Variants in EVI5 observed in about 807,000 individuals in gnomAD.
EVI5 encodes the protein ecotropic viral integration site 5.
Under a neutral mutation model 112.0 loss-of-function variants are expected in EVI5, and 73 were observed. The observed-to-expected ratio is 0.65, with a 90% CI of 0.54 to 0.79. The LOEUF (loss-of-function observed/expected upper bound fraction) is 0.79. Ranked by LOEUF, EVI5 falls within the 30% of genes least tolerant of loss-of-function variation. The pLI, the probability that EVI5 is intolerant of heterozygous loss-of-function variation, is 0.00. For synonymous variants in EVI5, 305 were observed against 319.9 expected (o/e 0.95, Z 0.50); for missense variants, 900 against 968.8 (o/e 0.93, Z 0.94).
intron 1 of EVI5, among the ~76,000 whole-genome samples, chr1:92,760,828 G>A (rs1156858925): frequency 1.1e-4 from 17 of 151,758 alleles, no homozygotes; most frequent in South Asian, 8.3e-4. Flanking sequence ...AGGCCGAGGC[G>A]GGCAGATCAC....
chr1:92,786,254 A>G (rs1488131973), upstream of EVI5, among the ~76,000 whole-genome samples: 2 of 132,718 alleles, frequency 1.5e-5, no homozygotes, highest in Non-Finnish European at 3.3e-5. Flanking sequence ...AAAAAAAAAA[A>G]CCTTACTTTT....
rs990536477 is a variant in EVI5, at chr1:92,512,279, G to T, written c.*1377C>A. On this transcript the variant is annotated 3_prime_UTR_variant, in exon 20 of 20. Coordinates refer to ENST00000684568, the MANE Select transcript of EVI5 (RefSeq NM_001350197.2). ...GTAGATATAATTGCTATGTTTCTTG[G>T]ACCTTAGCCCATTGCTTAAATTATA... is the stretch of plus-strand genomic sequence containing the variant. 2.0e-5 allele frequency: 3 copies of T among 152,540 alleles called. No homozygotes were observed. The highest frequency in any genetic ancestry group is 4.8e-5 in the African/African-American group (2 of 41,402). The allele number at this position is 152,540 out of a possible 1,614,324, so 9.4% of individuals were successfully genotyped here.
intron 13 of EVI5, among the ~76,000 whole-genome samples, chr1:92,651,686 T>C (rs1953667): frequency 0.91 from 108,166 of 118,830 alleles, 49,408 homozygotes; most frequent in East Asian, 0.97. Context: ...CCCGTCTCTA[T>C]TAAAAATACA....
rs185562082 is a variant in EVI5 at position 92,618,919 on chromosome 1, T to G, written c.1827+5257A>C. Among the ~76,000 whole-genome samples, 16 of 152,358 alleles carry G rather than the reference T, an allele frequency of 1.1e-4. No individual in the cohort carries two copies. The East Asian group carries it at 2.9e-3, about 27-fold the overall frequency. On this transcript the variant is annotated intron_variant, in intron 16 of 19. Transcript: ENST00000684568. ...GCATTTAAGTACTGTTAACTTTATGTAATAGTATTTGAGTCAGGGATTGGT... is the reference window on the plus strand; with the variant it reads ...GCATTTAAGTACTGTTAACTTTATGGAATAGTATTTGAGTCAGGGATTGGT...
intron 1 of EVI5, among the ~76,000 whole-genome samples, chr1:92,771,993 T>C (rs1683479369): frequency 1.3e-5 from 2 of 151,978 alleles, no homozygotes; most frequent in South Asian, 4.1e-4. Context: ...TAACTGGGAT[T>C]ACAGGCACAC....
intron 19 of EVI5, among the ~76,000 whole-genome samples, chr1:92,536,935 C>T (rs1310898376): frequency 6.6e-6 from 1 of 152,042 alleles, no homozygotes; most frequent in Non-Finnish European, 1.5e-5. Flanking sequence ...ATTAATAATA[C>T]AATCTTATAA....
rs550255938 is a variant in EVI5, at chr1:92,512,023, T to C, written c.*1633A>G. 1.8e-4 allele frequency: 28 copies of C among 152,716 alleles called. No individual in the cohort carries two copies. Among genetic ancestry groups the C allele is most frequent in the East Asian group, 3.9e-4 (2 of 5,194 alleles). 9.5% of individuals were successfully genotyped at this position (152,716 alleles called of 1,614,324 possible). A position where few individuals can be genotyped will look rare whatever the true frequency, so the allele number is the denominator to read the frequency against. The stretch of plus-strand genomic sequence containing the variant: ...ATAGGTTAACAAAATGTTTTTTTTT[T>C]CATAGGCTAACAAAAATGAGAGTAG... On this transcript the variant is annotated 3_prime_UTR_variant, in exon 20 of 20. Transcript: ENST00000684568.
Position 92,607,619 on chromosome 1 carries a change from T to C in EVI5, c.1936A>G (p.Ser646Gly), listed in dbSNP as rs150908969. 1 of 1,601,736 alleles carries C rather than the reference T, an allele frequency of 6.2e-7. No homozygotes were observed. Among genetic ancestry groups the C allele is most frequent in the Non-Finnish European group, 8.5e-7 (1 of 1,176,214 alleles). ...TCTGCTTGTTTACGCTTTGCTTCAC[T>C]TAATTGAGTAAGGAGTCCTTTGTTC... ...AQNKGLLTQL[S>G]EAKRKQAEIE... is the part of the protein sequence containing the mutation. Residue 646 changes from serine (S) to glycine (G), a missense_variant, in exon 17 of 20, where the codon AGT becomes GGT. Transcript: ENST00000684568.
At chr1:92,771,179 A>G (rs761185348) in intron 1 of EVI5, among the ~76,000 whole-genome samples, 1 of 151,956 alleles carries the variant, frequency 6.6e-6, no homozygotes, top group Non-Finnish European at 1.5e-5. Context: ...TCAAAGTTCT[A>G]TTCTTTTAAC....
At chr1:92,520,532 G>A (rs1660729286) in intron 19 of EVI5, among the ~76,000 whole-genome samples, 1 of 152,054 alleles carries the variant, frequency 6.6e-6, no homozygotes, top group Admixed American at 6.6e-5. Context: ...ATCTTTCCCC[G>A]TGTAAAGATG....
chr1:92,727,667 T>C (rs1326940646), intron 2 of EVI5, among the ~76,000 whole-genome samples: 1 of 152,078 alleles, frequency 6.6e-6, no homozygotes, highest in African/African-American at 2.4e-5. Flanking sequence ...AGACAAAGAT[T>C]GTCAGATTGT....
At chr1:92,554,619 A>G (rs757560515) in intron 19 of EVI5, among the ~76,000 whole-genome samples, 6 of 152,206 alleles carry the variant, frequency 3.9e-5, no homozygotes, top group African/African-American at 7.2e-5. Context: ...ATCCAAGATA[A>G]AACAGAACAT....
intron 18 of EVI5, among the ~76,000 whole-genome samples, chr1:92,579,498 A>G (rs1671605096): frequency 6.6e-6 from 1 of 152,212 alleles, no homozygotes; most frequent in Non-Finnish European, 1.5e-5. Context: ...TATTTTATAT[A>G]TTTCACGGAA....
At chr1:92,782,401 T>C (rs1391368253) in intron 1 of EVI5, among the ~76,000 whole-genome samples, 3 of 151,982 alleles carry the variant, frequency 2.0e-5, no homozygotes, top group Non-Finnish European at 4.4e-5. Context: ...AAAGGACTCA[T>C]ATCCAGAATA....
chr1:92,737,011 G>A (rs934958519), intron 1 of EVI5, among the ~76,000 whole-genome samples: 2 of 152,178 alleles, frequency 1.3e-5, no homozygotes, highest in Admixed American at 1.3e-4. Flanking sequence ...GATGTAAAAT[G>A]TATTCTTGGG....
At chr1:92,784,169 G>T in intron 1 of EVI5, 2 of 329,584 alleles carry the variant, frequency 6.1e-6, no homozygotes, top group Non-Finnish European at 8.7e-6. Flanking sequence ...GATCTAAGAA[G>T]CCCCAAAGAC....
intron 18 of EVI5, among the ~76,000 whole-genome samples, chr1:92,589,360 T>C (rs998665709): frequency 3.9e-5 from 6 of 152,066 alleles, no homozygotes; most frequent in African/African-American, 1.4e-4. Context: ...GAATTCCCTT[T>C]CCTAGCCAAG....
At chr1:92,592,758 C>A (rs550859944) in intron 18 of EVI5, among the ~76,000 whole-genome samples, 22 of 152,230 alleles carry the variant, frequency 1.4e-4, no homozygotes, top group East Asian at 9.6e-4. Context: ...ATCCCACATA[C>A]ATACAAACTA....
At chr1:92,641,684 C>T (rs1659998702) in intron 13 of EVI5, among the ~76,000 whole-genome samples, 1 of 152,152 alleles carries the variant, frequency 6.6e-6, no homozygotes, top group Non-Finnish European at 1.5e-5. Flanking sequence ...CACAAAATCA[C>T]AGCAGAAAAA....
Sources: gnomAD v4.1 joint callset for allele counts (sites outside exome capture counted in the v4.1 genomes callset) on GRCh38, gnomAD v4.1.1 for gene constraint, MANE v1.5 for transcripts, NCBI Gene and HGNC (gene_info 2026-07-23, HGNC 2026-07-21) for gene names.